DNAH7: variants seen among roughly 807,000 people sequenced by gnomAD.
The protein encoded by DNAH7 is dynein axonemal heavy chain 7.
A neutral mutation model predicts 444.6 loss-of-function variants in DNAH7; 397 were observed. That is an observed-to-expected ratio of 0.89 (90% CI 0.82 to 0.97). The LOEUF (loss-of-function observed/expected upper bound fraction) is 0.97, where lower values mean the gene tolerates loss of function less well. DNAH7 is among the 50% of genes least tolerant of loss of function. The pLI, the probability that DNAH7 is intolerant of heterozygous loss-of-function variation, is 0.00. For missense variants in DNAH7, 4,902 were observed against 4,800.8 expected (o/e 1.02, Z -0.62); for synonymous variants, 1,636 against 1,624.4 (o/e 1.01, Z -0.17).
intron 40 of DNAH7, 35 bp from the exon 41 acceptor site, chr2:195,865,056 T>A: frequency 2.0e-6 from 3 of 1,521,186 alleles, no homozygotes; most frequent in Non-Finnish European, 2.6e-6. Context: ...TTAGAAACTT[T>A]CTTCTGATTT....
intron 23 of DNAH7, among the ~76,000 whole-genome samples, 153 bp downstream of exon 23, chr2:195,923,442 C>T (rs911811566): frequency 3.3e-5 from 5 of 152,104 alleles, no homozygotes; most frequent in African/African-American, 1.2e-4. Context: ...GCAGCTTAAT[C>T]TTCAATATAA....
chr2:195,965,923 T>C (rs1691444051), intron 17 of DNAH7, among the ~76,000 whole-genome samples: 1 of 152,108 alleles, frequency 6.6e-6, no homozygotes, highest in South Asian at 2.1e-4. Flanking sequence ...ATATCATTAA[T>C]TTTTATTGTT....
In DNAH7 at chr2:195,787,246, A is replaced by C. The variant is rs183696448; in HGVS notation, c.10717-75T>G. 3.0e-4 allele frequency: 444 copies of C among 1,457,480 alleles called. 4 individuals carry two copies. The highest frequency in any genetic ancestry group is 6.9e-5 in the South Asian group (5 of 72,292). 90.3% of individuals were successfully genotyped at this position (1,457,480 alleles called of 1,614,324 possible). ...ATTATATTTACCATATTTTAAAATG[A>C]AAGCAAATTTCTTTCATTTATAAAT... On this transcript the variant is annotated intron_variant, in intron 57 of 64. Transcript: ENST00000312428.
intron 19 of DNAH7, among the ~76,000 whole-genome samples, chr2:195,955,778 G>C (rs1690606631): frequency 6.6e-6 from 1 of 151,990 alleles, no homozygotes; most frequent in Admixed American, 6.6e-5. Flanking sequence ...AAGAATACAA[G>C]TATCTACTTT....
chr2:195,981,745 C>A (rs1197805503), intron 15 of DNAH7, among the ~76,000 whole-genome samples: 1 of 152,096 alleles, frequency 6.6e-6, no homozygotes, highest in African/African-American at 2.4e-5. Context: ...TGGTACTGGG[C>A]AAACTGGATA....
chr2:195,799,176 T>C, intron 55 of DNAH7, 120 bp downstream of exon 55: 1 of 852,936 alleles, frequency 1.2e-6, no homozygotes, highest in Non-Finnish European at 1.7e-6. Flanking sequence ...TGTCAACTTG[T>C]GATAACTTTC....
At position 195,934,644 on chromosome 2, in the gene DNAH7, C is replaced by T. The variant is rs371294551; in HGVS notation, c.3418G>A (p.Val1140Met). The change falls in exon 21 of 65, where the codon GTG becomes ATG. Residue 1140 changes from valine (V) to methionine (M), a missense_variant. Transcript: ENST00000312428. ...TCTAATTCAACCAACCACTTCTCCA[C>T]TTGACCTCTGGCTTTGGCTGTTGAA... ...IISTAKARGQ[V>M]EKWLVELERV... is the part of the protein sequence containing the mutation. 1 of 1,614,116 alleles carries T rather than the reference C, an allele frequency of 6.2e-7. No individual in the cohort carries two copies. The highest frequency in any genetic ancestry group is 1.7e-5 in the Admixed American group (1 of 60,012).
chr2:195,852,792 G>C (rs1342498574), intron 46 of DNAH7, among the ~76,000 whole-genome samples: 3 of 152,006 alleles, frequency 2.0e-5, no homozygotes, highest in Non-Finnish European at 4.4e-5. Context: ...TATCAACAGG[G>C]TTTTAGGCAG....
At chr2:195,913,046 C>A (rs913944160) in intron 24 of DNAH7, among the ~76,000 whole-genome samples, 1 of 151,770 alleles carries the variant, frequency 6.6e-6, no homozygotes, top group African/African-American at 2.4e-5. Context: ...GGAATCTACC[C>A]TAGATTTCAT....
At chr2:195,774,917 C>T (rs58557349) in intron 60 of DNAH7, among the ~76,000 whole-genome samples, 9,224 of 152,220 alleles carry the variant, frequency 0.061, 378 homozygotes, top group African/African-American at 0.12. Context: ...TTTATTGAAT[C>T]ATTATGGGAA....
intron 20 of DNAH7, among the ~76,000 whole-genome samples, chr2:195,935,804 G>T (rs974491003): frequency 1.3e-5 from 2 of 152,084 alleles, no homozygotes; most frequent in East Asian, 3.9e-4. Context: ...CTTATAGGAG[G>T]TAAAGGAAGA....
chr2:195,860,904 T>G (rs1699979048), intron 42 of DNAH7, among the ~76,000 whole-genome samples: 1 of 152,084 alleles, frequency 6.6e-6, no homozygotes. Flanking sequence ...TCATATTAAT[T>G]TATAGATAAT....
At chr2:195,751,944 A>G (rs1292507039) in intron 63 of DNAH7, among the ~76,000 whole-genome samples, 1 of 152,116 alleles carries the variant, frequency 6.6e-6, no homozygotes, top group African/African-American at 2.4e-5. Flanking sequence ...CAGTAGGGAG[A>G]CAGGATAAAG....
At chr2:195,925,917 C>T (rs1006616641) in intron 22 of DNAH7, among the ~76,000 whole-genome samples, 1 of 151,680 alleles carries the variant, frequency 6.6e-6, no homozygotes, top group African/African-American at 2.4e-5. Flanking sequence ...TTAATATATC[C>T]AATTATATTA....
At chr2:196,056,080 C>T (rs1337484921) in intron 2 of DNAH7, among the ~76,000 whole-genome samples, 2 of 152,234 alleles carry the variant, frequency 1.3e-5, no homozygotes, top group African/African-American at 2.4e-5. Context: ...GCCTCACATC[C>T]TGCTGGCCTC....
intron 25 of DNAH7, 53 bp from the exon 26 acceptor site, chr2:195,907,062 A>G: frequency 1.5e-6 from 2 of 1,370,412 alleles, no homozygotes; most frequent in Non-Finnish European, 2.0e-6. Context: ...CAATGTTGCA[A>G]TGAAATGTTG....
intron 17 of DNAH7, among the ~76,000 whole-genome samples, chr2:195,962,732 C>G (rs1691194925): frequency 6.6e-6 from 1 of 151,892 alleles, no homozygotes; most frequent in Non-Finnish European, 1.5e-5. Context: ...TTTTTTGTAC[C>G]CACTCAACGT....
chr2:195,781,228 G>A (rs149634553), intron 58 of DNAH7, among the ~76,000 whole-genome samples: 1 of 152,166 alleles, frequency 6.6e-6, no homozygotes, highest in African/African-American at 2.4e-5. Context: ...ATAAGAAAAT[G>A]AAATATAATA....
At chr2:195,851,421 T>A (rs944948110) in intron 46 of DNAH7, among the ~76,000 whole-genome samples, 1 of 152,200 alleles carries the variant, frequency 6.6e-6, no homozygotes, top group African/African-American at 2.4e-5. Context: ...ACTACTTGAA[T>A]CAAGGGTTCA....
Sources: gnomAD v4.1 joint callset for allele counts (sites outside exome capture counted in the v4.1 genomes callset) on GRCh38, gnomAD v4.1.1 for gene constraint, MANE v1.5 for transcripts, NCBI Gene and HGNC (gene_info 2026-07-23, HGNC 2026-07-21) for gene names.